Variants in CELF2 observed in about 807,000 individuals in gnomAD.
CELF2 encodes the protein CUG triplet repeat RNA-binding protein 2.
Under a neutral mutation model 62.6 loss-of-function variants are expected in CELF2, and 8 were observed. The ratio of observed to expected loss-of-function variants is 0.13; its 90% confidence interval spans 0.07 to 0.23. The LOEUF is 0.23. Among genes scored for constraint, CELF2 ranks in the 10% least tolerant of loss-of-function variants. CELF2 has a pLI of 1.00. For missense variants in CELF2, 333 were observed against 671.0 expected (o/e 0.50, Z 5.56); for synonymous variants, 258 against 250.0 (o/e 1.03, Z -0.30).
At chr10:11,190,838 A>G (rs1257899764) in intron 2 of CELF2, among the ~76,000 whole-genome samples, 1 of 142,114 alleles carries the variant, frequency 7.0e-6, no homozygotes, top group Non-Finnish European at 1.5e-5. Context: ...AGTTACCTGG[A>G]GCAGTCAAAT....
At chr10:10,825,735 A>G (rs935999024) in intron 1 of CELF2, among the ~76,000 whole-genome samples, 3 of 152,168 alleles carry the variant, frequency 2.0e-5, no homozygotes, top group African/African-American at 4.8e-5. Flanking sequence ...TGAGCCTCCC[A>G]GGCTGTGTCC....
At chr10:11,122,525 A>G (rs1401169123) in intron 1 of CELF2, among the ~76,000 whole-genome samples, 1 of 152,208 alleles carries the variant, frequency 6.6e-6, no homozygotes, top group Non-Finnish European at 1.5e-5. Flanking sequence ...GTAGAAAGCC[A>G]CCTATTTGTG....
chr10:10,961,977 C>T (rs541534235), intron 2 of CELF2, among the ~76,000 whole-genome samples: 145 of 151,936 alleles, frequency 9.5e-4, no homozygotes, highest in Non-Finnish European at 1.7e-3. Context: ...GCTTGTAATG[C>T]GGTACTTTGG....
chr10:11,186,626 G>A (rs1000698286), intron 2 of CELF2, among the ~76,000 whole-genome samples: 6 of 152,042 alleles, frequency 3.9e-5, no homozygotes, highest in Admixed American at 1.3e-4. Flanking sequence ...TACAGATTGC[G>A]CATCCCTAAT....
the CELF2 span, among the ~76,000 whole-genome samples, chr10:10,567,372 G>A: frequency 6.6e-6 from 1 of 152,192 alleles, no homozygotes; most frequent in Admixed American, 6.5e-5. Flanking sequence ...AAGTGTCACA[G>A]GTCGGGTTCC....
chr10:10,617,185 C>A, the CELF2 span, among the ~76,000 whole-genome samples: 1 of 152,136 alleles, frequency 6.6e-6, no homozygotes, highest in Non-Finnish European at 1.5e-5. Flanking sequence ...AATGGAATGA[C>A]AACTTTGGGA....
chr10:10,963,439 C>T (rs188517093), intron 2 of CELF2, among the ~76,000 whole-genome samples: 5 of 152,136 alleles, frequency 3.3e-5, no homozygotes, highest in African/African-American at 7.2e-5. Flanking sequence ...CTCTTCTTAA[C>T]GGGGCCTTTA....
At chr10:10,656,439 T>A in the CELF2 span, among the ~76,000 whole-genome samples, 48 of 134,412 alleles carry the variant, frequency 3.6e-4, 1 homozygote, top group African/African-American at 1.3e-3. Flanking sequence ...TATTGCGGCA[T>A]TATTCACAAT....
chr10:11,219,890 T>C (rs2064329752), intron 3 of CELF2, among the ~76,000 whole-genome samples: 1 of 152,260 alleles, frequency 6.6e-6, no homozygotes, highest in Admixed American at 6.5e-5. Context: ...TTTCCCACTG[T>C]GATGTGAAGG....
intron 1 of CELF2, among the ~76,000 whole-genome samples, chr10:10,854,590 C>G (rs891101605): frequency 6.6e-6 from 1 of 152,026 alleles, no homozygotes; most frequent in Non-Finnish European, 1.5e-5. Flanking sequence ...ATTAAATGAA[C>G]TGTGTTCAAT....
the CELF2 span, among the ~76,000 whole-genome samples, chr10:10,697,126 A>C: frequency 4.6e-5 from 7 of 152,194 alleles, no homozygotes; most frequent in Non-Finnish European, 7.3e-5. Context: ...GACAAAAAAA[A>C]AAAAGTGGTT....
At chr10:10,590,957 C>T in the CELF2 span, among the ~76,000 whole-genome samples, 1 of 152,158 alleles carries the variant, frequency 6.6e-6, no homozygotes, top group Non-Finnish European at 1.5e-5. Flanking sequence ...CCCTACTAAG[C>T]ACAAAATAAA....
chr10:11,016,528 A>G (rs2057282630), upstream of CELF2, among the ~76,000 whole-genome samples: 1 of 152,220 alleles, frequency 6.6e-6, no homozygotes, highest in Non-Finnish European at 1.5e-5. The surrounding 1 kb of genome is among the most constrained non-coding windows in gnomAD (Gnocchi z 5.2). Flanking sequence ...TAAAATTGAT[A>G]TGTAAGTGTC....
the CELF2 span, among the ~76,000 whole-genome samples, chr10:10,647,625 C>G: frequency 3.3e-5 from 5 of 152,184 alleles, no homozygotes. Flanking sequence ...ACTTTTCTCA[C>G]TTTTCCTCTG....
chr10:11,186,077 G>A (rs1192033195), intron 2 of CELF2, among the ~76,000 whole-genome samples: 2 of 152,048 alleles, frequency 1.3e-5, no homozygotes, highest in Admixed American at 1.3e-4. Context: ...CAGATAATAT[G>A]TCCATTTACC....
the CELF2 span, among the ~76,000 whole-genome samples, chr10:10,517,712 A>G: frequency 6.6e-6 from 1 of 152,176 alleles, no homozygotes; most frequent in Non-Finnish European, 1.5e-5. Context: ...CAGAGACAGT[A>G]GCGATCAAGG....
chr10:10,635,891 T>C, the CELF2 span, among the ~76,000 whole-genome samples: 1 of 152,236 alleles, frequency 6.6e-6, no homozygotes, highest in Non-Finnish European at 1.5e-5. Context: ...GCAACTGTGA[T>C]ACTGTAATTA....
At chr10:10,477,808 A>G in the CELF2 span, among the ~76,000 whole-genome samples, 1 of 150,534 alleles carries the variant, frequency 6.6e-6, no homozygotes, top group Non-Finnish European at 1.5e-5. Context: ...GCCCTTTATA[A>G]GAAGAATTGG....
the CELF2 span, among the ~76,000 whole-genome samples, chr10:10,586,840 G>T: frequency 6.6e-6 from 1 of 152,130 alleles, no homozygotes; most frequent in East Asian, 1.9e-4. Flanking sequence ...TTTTCCTGGT[G>T]GTTCTTACAG....
Sources: gnomAD v4.1 joint callset for allele counts (sites outside exome capture counted in the v4.1 genomes callset) on GRCh38, gnomAD v4.1.1 for gene constraint, Gnocchi (gnomAD v3.1) non-coding constraint, MANE v1.5 for transcripts, NCBI Gene and HGNC (gene_info 2026-07-23, HGNC 2026-07-21) for gene names.